The following RAD51B variants were observed in gnomAD, a reference collection of about 807,000 sequenced individuals.
The protein encoded by RAD51B is DNA repair protein RAD51 homolog 2.
Under a neutral mutation model 42.2 loss-of-function variants are expected in RAD51B, and 38 were observed. That is an observed-to-expected ratio of 0.90 (90% CI 0.70 to 1.18). RAD51B has a LOEUF of 1.18. RAD51B is among the 50% of genes most tolerant of loss of function. The pLI, the probability that RAD51B is intolerant of heterozygous loss-of-function variation, is 0.00. For missense variants in RAD51B, 373 were observed against 400.7 expected (o/e 0.93, Z 0.59); for synonymous variants, 154 against 145.2 (o/e 1.06, Z -0.43).
At chr14:68,116,788 A>T (rs984544870) in intron 7 of RAD51B, among the ~76,000 whole-genome samples, 1 of 152,148 alleles carries the variant, frequency 6.6e-6, no homozygotes, top group Non-Finnish European at 1.5e-5. Context: ...GACTTTGCTT[A>T]TTTAAAGAAA....
intron 7 of RAD51B, among the ~76,000 whole-genome samples, chr14:68,265,963 G>T (rs1019942225): frequency 6.6e-6 from 1 of 152,100 alleles, no homozygotes; most frequent in African/African-American, 2.4e-5. Context: ...ATTTAATAAG[G>T]TGTAGCACTA....
chr14:68,366,550 C>A (rs1336558694), intron 8 of RAD51B, among the ~76,000 whole-genome samples: 2 of 152,220 alleles, frequency 1.3e-5, no homozygotes, highest in Admixed American at 1.3e-4. Flanking sequence ...ACTAAAGCAG[C>A]CTTGAAGGCT....
At chr14:68,618,092 A>G (rs766662461) in intron 10 of RAD51B, among the ~76,000 whole-genome samples, 39 of 152,256 alleles carry the variant, frequency 2.6e-4, no homozygotes, top group Admixed American at 5.2e-4. Flanking sequence ...TCTGCAAGCC[A>G]TGCAGGAACA....
intron 7 of RAD51B, among the ~76,000 whole-genome samples, chr14:68,198,325 GTTGC>G (rs1311965109): frequency 1.3e-5 from 2 of 152,104 alleles, no homozygotes; most frequent in East Asian, 3.8e-4. Flanking sequence ...CCACTCCTAT[GTTGC>G]TTAGGCTCTG....
chr14:68,193,636 A>C (rs567881880), intron 7 of RAD51B, among the ~76,000 whole-genome samples: 1 of 152,222 alleles, frequency 6.6e-6, no homozygotes, highest in Non-Finnish European at 1.5e-5. Flanking sequence ...TAGTGACTGA[A>C]GTGTTGTAAT....
At chr14:68,669,810 C>T (rs548462120) in intron 11 of RAD51B, among the ~76,000 whole-genome samples, 182 of 152,354 alleles carry the variant, frequency 1.2e-3, no homozygotes, top group African/African-American at 3.9e-3. Flanking sequence ...CCAGCCAGAA[C>T]CCTGGGCCTT....
chr14:68,338,913 G>T, intron 8 of RAD51B: 2 of 655,072 alleles, frequency 3.1e-6, no homozygotes, highest in South Asian at 1.4e-5. Flanking sequence ...GTTAACCTTT[G>T]TGAAGACAAC....
chr14:67,885,758 G>C, intron 5 of RAD51B, 111 bp from the exon 6 acceptor site: 5 of 1,379,270 alleles, frequency 3.6e-6, no homozygotes, highest in Admixed American at 2.5e-5. Context: ...GCTTATACCT[G>C]CTCTATTGAT....
chr14:67,967,978 T>C (rs1348001426), intron 7 of RAD51B, among the ~76,000 whole-genome samples: 1 of 152,218 alleles, frequency 6.6e-6, no homozygotes, highest in African/African-American at 2.4e-5. Flanking sequence ...GGCATCCAGG[T>C]GTTTCCATAC....
chr14:67,896,472 C>T (rs2043422214), intron 7 of RAD51B, among the ~76,000 whole-genome samples: 1 of 152,184 alleles, frequency 6.6e-6, no homozygotes, highest in Non-Finnish European at 1.5e-5. Context: ...GGGAATTTAA[C>T]ATCAGTGCTC....
intron 10 of RAD51B, among the ~76,000 whole-genome samples, chr14:68,506,143 A>G (rs1040545884): frequency 6.6e-6 from 1 of 152,178 alleles, no homozygotes; most frequent in Non-Finnish European, 1.5e-5. Context: ...AGTTGTAGTA[A>G]TAAGAGGTGA....
chr14:68,603,996 G>A (rs185602535), intron 10 of RAD51B, among the ~76,000 whole-genome samples: 1 of 152,380 alleles, frequency 6.6e-6, no homozygotes, highest in African/African-American at 2.4e-5. Flanking sequence ...AAAAACCACA[G>A]TGGAGGCCAC....
chr14:67,981,396 GTT>G (rs2075090317), intron 7 of RAD51B, among the ~76,000 whole-genome samples: 1 of 152,190 alleles, frequency 6.6e-6, no homozygotes, highest in Non-Finnish European at 1.5e-5. Flanking sequence ...TTAAAAAATA[GTT>G]TGGCAGTTTC....
chr14:68,585,065 A>G (rs1333110762), intron 10 of RAD51B, among the ~76,000 whole-genome samples: 1 of 152,176 alleles, frequency 6.6e-6, no homozygotes, highest in African/African-American at 2.4e-5. Flanking sequence ...GGCGGTCAGG[A>G]AGGTCAGTCT....
intron 7 of RAD51B, among the ~76,000 whole-genome samples, chr14:67,985,891 T>C (rs1353332468): frequency 6.6e-6 from 1 of 152,044 alleles, no homozygotes; most frequent in East Asian, 1.9e-4. Flanking sequence ...GCCTGGGCAG[T>C]AGAGCCAGAA....
intron 7 of RAD51B, among the ~76,000 whole-genome samples, chr14:67,949,874 C>T (rs914247651): frequency 6.6e-6 from 1 of 152,070 alleles, no homozygotes; most frequent in South Asian, 2.1e-4. Context: ...TGGCCAGGGG[C>T]GTTGTCAATG....
intron 7 of RAD51B, among the ~76,000 whole-genome samples, chr14:68,241,439 G>C (rs375700079): frequency 1.3e-5 from 2 of 152,114 alleles, no homozygotes; most frequent in Non-Finnish European, 2.9e-5. Context: ...CTACTCGGGA[G>C]GCTGAGGCAG....
intron 7 of RAD51B, among the ~76,000 whole-genome samples, chr14:67,990,043 G>T (rs1311871736): frequency 6.9e-6 from 1 of 144,752 alleles, no homozygotes; most frequent in African/African-American, 2.6e-5. Flanking sequence ...CTGTCACCAG[G>T]CTGGAGTGCA....
At chr14:68,289,232 T>C (rs975906721) in intron 7 of RAD51B, among the ~76,000 whole-genome samples, 2 of 152,224 alleles carry the variant, frequency 1.3e-5, no homozygotes, top group African/African-American at 4.8e-5. Context: ...ATTGCTTCTA[T>C]TTATTGAATA....
Sources: gnomAD v4.1 joint callset for allele counts (sites outside exome capture counted in the v4.1 genomes callset) on GRCh38, gnomAD v4.1.1 for gene constraint, MANE v1.5 for transcripts, NCBI Gene and HGNC (gene_info 2026-07-23, HGNC 2026-07-21) for gene names.